The following LDB2 variants were observed in gnomAD, a reference collection of about 807,000 sequenced individuals.
The protein encoded by LDB2 is LIM domain-binding protein 2.
LDB2 carries 12 observed loss-of-function variants against 44.3 expected under a neutral mutation model. The observed-to-expected ratio is 0.27, with a 90% CI of 0.17 to 0.44. The LOEUF is 0.44. Among genes scored for constraint, LDB2 ranks in the 20% least tolerant of loss-of-function variants. The pLI is 1.00. For missense variants in LDB2, 344 were observed against 473.5 expected (o/e 0.73, Z 2.54); for synonymous variants, 164 against 174.8 (o/e 0.94, Z 0.49).
At chr4:16,563,428 G>C (rs1373484867) in intron 5 of LDB2, among the ~76,000 whole-genome samples, 1 of 82,516 alleles carries the variant, frequency 1.2e-5, no homozygotes, top group Non-Finnish European at 2.3e-5. Flanking sequence ...TCAGTCATCA[G>C]ATTTTTTTTT....
intron 2 of LDB2, among the ~76,000 whole-genome samples, chr4:16,599,833 C>A (rs1293138232): frequency 6.6e-6 from 1 of 152,122 alleles, no homozygotes; most frequent in African/African-American, 2.4e-5. Flanking sequence ...ACGGTCGATG[C>A]TGCAAACACA....
At chr4:16,848,597 G>T (rs748755275) in intron 1 of LDB2, among the ~76,000 whole-genome samples, 49 of 152,236 alleles carry the variant, frequency 3.2e-4, no homozygotes, top group Non-Finnish European at 6.2e-4. Flanking sequence ...GCTTGAACAG[G>T]ATTTTAGCAG....
intron 5 of LDB2, among the ~76,000 whole-genome samples, chr4:16,556,343 A>G (rs376069985): frequency 1.3e-5 from 2 of 152,348 alleles, no homozygotes; most frequent in South Asian, 4.1e-4. Context: ...TGCCTGGCAC[A>G]TAGTAAGTAC....
At chr4:16,694,073 G>C (rs1463189218) in intron 2 of LDB2, among the ~76,000 whole-genome samples, 1 of 152,156 alleles carries the variant, frequency 6.6e-6, no homozygotes, top group Admixed American at 6.5e-5. Context: ...ACCCCTTCTG[G>C]GGCTGCCAGT....
intron 2 of LDB2, among the ~76,000 whole-genome samples, chr4:16,675,777 T>C (rs1477832592): frequency 1.3e-5 from 2 of 152,224 alleles, no homozygotes; most frequent in East Asian, 3.8e-4. Flanking sequence ...ATCAATATGC[T>C]GTCTGTGTAT....
chr4:16,798,258 A>G (rs1467863003), intron 1 of LDB2, among the ~76,000 whole-genome samples: 2 of 152,062 alleles, frequency 1.3e-5, no homozygotes, highest in Admixed American at 6.6e-5. Flanking sequence ...TGTGAATATT[A>G]TTATATGAAG....
chr4:16,620,168 AT>A (rs1206886252), intron 2 of LDB2, among the ~76,000 whole-genome samples: 1 of 152,296 alleles, frequency 6.6e-6, no homozygotes, highest in African/African-American at 2.4e-5. Context: ...CATATCTTTA[AT>A]GTCCAAAACA....
intron 1 of LDB2, among the ~76,000 whole-genome samples, chr4:16,825,714 T>C (rs1782927250): frequency 6.6e-6 from 1 of 152,044 alleles, no homozygotes; most frequent in Admixed American, 6.6e-5. Context: ...CAGAAAAACA[T>C]CCAGAGCACG....
At chr4:16,774,047 C>T (rs1437287885) in intron 1 of LDB2, among the ~76,000 whole-genome samples, 1 of 147,386 alleles carries the variant, frequency 6.8e-6, no homozygotes, top group African/African-American at 2.5e-5. Context: ...CCCAGCTACT[C>T]GGGGGGCTGA....
At chr4:16,555,881 A>C (rs1377711223) in intron 5 of LDB2, among the ~76,000 whole-genome samples, 1 of 152,022 alleles carries the variant, frequency 6.6e-6, no homozygotes, top group African/African-American at 2.4e-5. Flanking sequence ...TGTCCAATTC[A>C]ATCTCGCGTT....
intron 1 of LDB2, among the ~76,000 whole-genome samples, chr4:16,836,897 G>A (rs1308692868): frequency 6.6e-6 from 1 of 152,136 alleles, no homozygotes; most frequent in Non-Finnish European, 1.5e-5. Flanking sequence ...CCACTTTGTA[G>A]GAAGGTCTAA....
At chr4:16,696,481 A>C (rs1752161030) in intron 2 of LDB2, among the ~76,000 whole-genome samples, 1 of 152,162 alleles carries the variant, frequency 6.6e-6, no homozygotes, top group Non-Finnish European at 1.5e-5. Flanking sequence ...GGTCAGCTCT[A>C]AGAATCAAAA....
chr4:16,884,933 G>GAA (rs33947506), intron 1 of LDB2, among the ~76,000 whole-genome samples: 1 of 151,810 alleles, frequency 6.6e-6, no homozygotes, highest in East Asian at 1.9e-4. Context: ...ACTAAGTAAA[G>GAA]AAAAAAATTT....
At chr4:16,753,040 C>T (rs116307555) in intron 2 of LDB2, among the ~76,000 whole-genome samples, 39 of 152,300 alleles carry the variant, frequency 2.6e-4, no homozygotes, top group African/African-American at 9.4e-4. Context: ...GTGGACACCA[C>T]AAAGGCATTA....
At chr4:16,890,008 C>T (rs1419285375) in intron 1 of LDB2, among the ~76,000 whole-genome samples, 1 of 152,160 alleles carries the variant, frequency 6.6e-6, no homozygotes, top group Non-Finnish European at 1.5e-5. Context: ...CAGCACTATG[C>T]CAAATCCCAA....
intron 1 of LDB2, among the ~76,000 whole-genome samples, chr4:16,893,409 A>G (rs1411469894): frequency 2.6e-5 from 4 of 152,120 alleles, no homozygotes; most frequent in Non-Finnish European, 5.9e-5. Context: ...CTGAACATCA[A>G]TGATACCAAG....
intron 7 of LDB2, chr4:16,505,757 C>A (rs763152276): frequency 6.1e-5 from 86 of 1,401,630 alleles, no homozygotes; most frequent in Non-Finnish European, 7.8e-5. Context: ...CCAACTTCTG[C>A]TCCTTGCTGG....
At chr4:16,811,099 G>A (rs1177119456) in intron 1 of LDB2, among the ~76,000 whole-genome samples, 1 of 152,158 alleles carries the variant, frequency 6.6e-6, no homozygotes, top group Non-Finnish European at 1.5e-5. Context: ...ATCTAACGCC[G>A]GTATCAGTCT....
intron 2 of LDB2, among the ~76,000 whole-genome samples, chr4:16,630,766 G>A (rs898918240): frequency 3.3e-5 from 5 of 151,740 alleles, no homozygotes; most frequent in Non-Finnish European, 7.4e-5. Flanking sequence ...ATGGAAAGCC[G>A]AAAAAAGCAG....
Sources: gnomAD v4.1 joint callset for allele counts (sites outside exome capture counted in the v4.1 genomes callset) on GRCh38, gnomAD v4.1.1 for gene constraint, MANE v1.5 for transcripts, NCBI Gene and HGNC (gene_info 2026-07-23, HGNC 2026-07-21) for gene names.